The following IMMP2L variants were observed in gnomAD, a reference collection of about 807,000 sequenced individuals.
IMMP2L encodes inner mitochondrial membrane peptidase subunit 2.
IMMP2L carries 18 observed loss-of-function variants against 19.3 expected under a neutral mutation model. The observed-to-expected ratio is 0.93, with a 90% CI of 0.64 to 1.38. The LOEUF (loss-of-function observed/expected upper bound fraction) is 1.38. Among genes scored for constraint, IMMP2L ranks in the 40% most tolerant of loss-of-function variants. The pLI is 0.00. For missense variants in IMMP2L, 233 were observed against 218.2 expected, an observed-to-expected ratio of 1.07 and a Z score of -0.43; for synonymous variants, 76 against 73.0, an observed-to-expected ratio of 1.04 and a Z score of -0.21.
intron 3 of IMMP2L, among the ~76,000 whole-genome samples, chr7:111,447,740 C>G (rs921527486): frequency 4.2e-4 from 64 of 151,424 alleles, no homozygotes; most frequent in African/African-American, 1.4e-3. Context: ...ACTAAATTCT[C>G]CAATTAAAAG....
chr7:110,746,992 T>C (rs990044439), intron 5 of IMMP2L, among the ~76,000 whole-genome samples: 2 of 151,896 alleles, frequency 1.3e-5, no homozygotes, highest in African/African-American at 4.8e-5. Context: ...ATCAACAAAA[T>C]TGATAGACCA....
intron 3 of IMMP2L, among the ~76,000 whole-genome samples, chr7:111,263,110 C>G (rs565742382): frequency 3.3e-5 from 5 of 152,066 alleles, no homozygotes; most frequent in Admixed American, 6.6e-5. Context: ...GACTTCTGCT[C>G]TGAGAGAGGC....
chr7:110,786,298 C>T (rs1180253245), intron 5 of IMMP2L, among the ~76,000 whole-genome samples: 1 of 151,954 alleles, frequency 6.6e-6, no homozygotes, highest in Non-Finnish European at 1.5e-5. Context: ...TGCCCTTTGA[C>T]ACTCAGAGAC....
chr7:110,996,845 C>T (rs888355903), intron 3 of IMMP2L, among the ~76,000 whole-genome samples: 5 of 151,914 alleles, frequency 3.3e-5, no homozygotes, highest in Admixed American at 6.6e-5. Context: ...TAAGATCCAC[C>T]GAACTTATTC....
At chr7:111,547,856 G>A (rs1849078060) in intron 1 of IMMP2L, among the ~76,000 whole-genome samples, 2 of 151,954 alleles carry the variant, frequency 1.3e-5, no homozygotes, top group South Asian at 4.2e-4. Flanking sequence ...AAGGAGCTGG[G>A]ACCAGAGGCA....
chr7:111,409,700 T>C (rs1056271912), intron 3 of IMMP2L, among the ~76,000 whole-genome samples: 1 of 151,832 alleles, frequency 6.6e-6, no homozygotes, highest in African/African-American at 2.4e-5. Flanking sequence ...TATTCAGATT[T>C]AGAAAAATTA....
At chr7:110,714,762 A>G (rs1795130190) in intron 5 of IMMP2L, among the ~76,000 whole-genome samples, 1 of 151,972 alleles carries the variant, frequency 6.6e-6, no homozygotes, top group South Asian at 2.1e-4. Flanking sequence ...ATGCCCAGCT[A>G]ATTTTTGTAT....
At chr7:111,040,607 C>A (rs1791801673) in intron 3 of IMMP2L, among the ~76,000 whole-genome samples, 1 of 150,400 alleles carries the variant, frequency 6.6e-6, no homozygotes, top group Non-Finnish European at 1.5e-5. Flanking sequence ...TCAGGTACAG[C>A]AGCATATCCT....
chr7:111,058,911 T>C (rs998050744), intron 3 of IMMP2L, among the ~76,000 whole-genome samples: 2 of 152,210 alleles, frequency 1.3e-5, no homozygotes, highest in Admixed American at 1.3e-4. Context: ...TATCTCACTT[T>C]GAGACTTTAT....
chr7:111,554,099 T>C (rs191503763), intron 1 of IMMP2L, among the ~76,000 whole-genome samples: 36 of 152,302 alleles, frequency 2.4e-4, no homozygotes, highest in Non-Finnish European at 4.7e-4. Flanking sequence ...AGCCATGTTT[T>C]AGCCCAGTGG....
intron 3 of IMMP2L, among the ~76,000 whole-genome samples, chr7:111,232,118 T>C (rs902393675): frequency 2.0e-5 from 3 of 152,056 alleles, no homozygotes; most frequent in African/African-American, 7.2e-5. Flanking sequence ...TCCACAATTT[T>C]AAGTGTAGAA....
intron 3 of IMMP2L, among the ~76,000 whole-genome samples, chr7:111,075,045 G>A (rs1197230041): frequency 6.6e-6 from 1 of 151,866 alleles, no homozygotes; most frequent in African/African-American, 2.4e-5. Flanking sequence ...GAGGCAATGG[G>A]GTTCAAGAAC....
intron 4 of IMMP2L, among the ~76,000 whole-genome samples, chr7:110,946,080 T>G (rs943944676): frequency 6.6e-6 from 1 of 152,100 alleles, no homozygotes. Flanking sequence ...AGAGGCCAAA[T>G]ACGAAAACAG....
intron 3 of IMMP2L, among the ~76,000 whole-genome samples, chr7:111,228,245 C>A (rs1402666309): frequency 6.6e-6 from 1 of 151,920 alleles, no homozygotes; most frequent in Non-Finnish European, 1.5e-5. Flanking sequence ...AGCCACAAAC[C>A]TGAAAGGCTG....
intron 3 of IMMP2L, among the ~76,000 whole-genome samples, chr7:110,991,331 A>G (rs1214589128): frequency 6.6e-6 from 1 of 152,170 alleles, no homozygotes; most frequent in Non-Finnish European, 1.5e-5. Context: ...ACCGATTAAC[A>G]TGTTCAACAT....
chr7:111,271,244 A>G (rs1172350375), intron 3 of IMMP2L, among the ~76,000 whole-genome samples: 2 of 152,070 alleles, frequency 1.3e-5, no homozygotes, highest in African/African-American at 4.8e-5. Context: ...AAGTTTCCTG[A>G]GGCCTCCCCA....
chr7:110,836,474 A>T (rs982548300), intron 5 of IMMP2L, among the ~76,000 whole-genome samples: 12 of 151,840 alleles, frequency 7.9e-5, no homozygotes, highest in African/African-American at 2.9e-4. Flanking sequence ...TTAAAAGGGG[A>T]GTTTCTCTGT....
chr7:111,402,222 A>G (rs1833490657), intron 3 of IMMP2L, among the ~76,000 whole-genome samples: 2 of 151,140 alleles, frequency 1.3e-5, no homozygotes, highest in Non-Finnish European at 2.9e-5. Flanking sequence ...TACATGTCCT[A>G]TATATTCAAA....
chr7:111,352,680 C>T (rs1304373250), intron 3 of IMMP2L, among the ~76,000 whole-genome samples: 2 of 152,044 alleles, frequency 1.3e-5, no homozygotes, highest in African/African-American at 2.4e-5. Flanking sequence ...CTTCTCTTCC[C>T]TAAGGTGAGG....
Sources: allele counts gnomAD v4.1 joint callset (sites outside exome capture counted in the v4.1 genomes callset), GRCh38; gene constraint gnomAD v4.1.1; transcripts MANE v1.5; gene names NCBI Gene and HGNC (gene_info 2026-07-23, HGNC 2026-07-21).